Variants in CACNG4 observed in about 807,000 individuals in gnomAD.
The protein encoded by CACNG4 is voltage-dependent calcium channel gamma-4 subunit.
Under a neutral mutation model 22.9 loss-of-function variants are expected in CACNG4, and 8 were observed. That is an observed-to-expected ratio of 0.35 (90% CI 0.21 to 0.63). CACNG4 has a LOEUF of 0.63. Among genes scored for constraint, CACNG4 ranks in the 30% least tolerant of loss-of-function variants. The pLI is 0.72. For missense variants in CACNG4, 357 were observed against 455.4 expected (o/e 0.78, Z 1.97); for synonymous variants, 188 against 191.9 (o/e 0.98, Z 0.17).
At chr17:66,976,445 C>T (rs2035236925) in intron 1 of CACNG4, among the ~76,000 whole-genome samples, 1 of 149,870 alleles carries the variant, frequency 6.7e-6, no homozygotes, top group Non-Finnish European at 1.5e-5. Flanking sequence ...CTAACTTCCA[C>T]CCTCCTCCCT....
At position 67,032,710 on chromosome 17, in the gene CACNG4, C is replaced by CG. The variant is rs1379449099; in HGVS notation, c.*1707dup. 6.5e-6 allele frequency: 1 copy of CG among 153,168 alleles called. No homozygotes were observed. Among genetic ancestry groups the CG allele is most frequent in the Non-Finnish European group, 1.5e-5 (1 of 68,754 alleles). The allele number at this position is 153,168 out of a possible 1,614,324, so 9.5% of individuals were successfully genotyped here. On this transcript the variant is annotated 3_prime_UTR_variant, in exon 4 of 4. Transcript: ENST00000262138. ...CCTGTGTGCTGTGCTCCAGAGCCTT[C>CG]GCTCCCATCAGGGTTGGCATCATCT...
intron 1 of CACNG4, among the ~76,000 whole-genome samples, chr17:66,983,743 G>C (rs1649127109): frequency 6.6e-6 from 1 of 152,198 alleles, no homozygotes; most frequent in South Asian, 2.1e-4. Flanking sequence ...CAAAGCCCTG[G>C]AACCCATGTT....
At position 67,031,613 on chromosome 17, in the gene CACNG4, G is replaced by A. The variant is rs2035606855; in HGVS notation, c.*609G>A. 2.2e-6 allele frequency: 1 copy of A among 456,710 alleles called. No homozygotes were observed. The allele number at this position is 456,710 out of a possible 1,614,324, so 28.3% of individuals were successfully genotyped here. On this transcript the variant is annotated 3_prime_UTR_variant, in exon 4 of 4. Coordinates refer to ENST00000262138, the MANE Select transcript of CACNG4 (RefSeq NM_014405.4). The surrounding 1 kb of genome is among the most constrained non-coding windows in gnomAD (Gnocchi z 4.0). Reference sequence around the variant, plus strand: ...GCAGCCAACTGGTGCTTTGGCCTTTGCGCTGTCCCGGGGCCAGCTTCCCTC... The same window carrying A: ...GCAGCCAACTGGTGCTTTGGCCTTTACGCTGTCCCGGGGCCAGCTTCCCTC...
At chr17:66,966,476 C>T (rs3785601) in intron 1 of CACNG4, among the ~76,000 whole-genome samples, 10,695 of 152,196 alleles carry the variant, frequency 0.07, 582 homozygotes, top group East Asian at 0.25. Flanking sequence ...CAGAGTTCAG[C>T]CGCGGTTGTT....
At chr17:67,002,518 C>T (rs2035414107) in intron 1 of CACNG4, among the ~76,000 whole-genome samples, 1 of 152,234 alleles carries the variant, frequency 6.6e-6, no homozygotes, top group African/African-American at 2.4e-5. Flanking sequence ...TGTGTGCTCC[C>T]TCATCCTGGC....
chr17:67,016,435 A>G (rs1269615330), intron 1 of CACNG4, among the ~76,000 whole-genome samples: 3 of 152,056 alleles, frequency 2.0e-5, no homozygotes, highest in East Asian at 1.9e-4. Context: ...AAGGGGCCCA[A>G]TGGAGGAAAG....
At chr17:66,998,998 T>C (rs1174709428) in intron 1 of CACNG4, among the ~76,000 whole-genome samples, 1 of 152,158 alleles carries the variant, frequency 6.6e-6, no homozygotes, top group Non-Finnish European at 1.5e-5. Flanking sequence ...TCATGTAGTT[T>C]GAGAGGTGGT....
At chr17:66,999,085 C>T (rs2035391776) in intron 1 of CACNG4, among the ~76,000 whole-genome samples, 1 of 152,166 alleles carries the variant, frequency 6.6e-6, no homozygotes, top group Non-Finnish European at 1.5e-5. Flanking sequence ...ACTAGATGGG[C>T]AATCCTGGGC....
intron 1 of CACNG4, among the ~76,000 whole-genome samples, chr17:66,999,200 A>G (rs2035392461): frequency 6.6e-6 from 1 of 152,322 alleles, no homozygotes; most frequent in African/African-American, 2.4e-5. Flanking sequence ...TGAATGAGTT[A>G]GAATATGAAG....
chr17:66,994,974 G>A (rs929918224), intron 1 of CACNG4, among the ~76,000 whole-genome samples: 1 of 152,106 alleles, frequency 6.6e-6, no homozygotes, highest in Non-Finnish European at 1.5e-5. Context: ...GAACTGCTTT[G>A]CAAATTACCT....
chr17:67,024,844 C>T lies in CACNG4; in HGVS notation c.305-16C>T. 2.0e-6 allele frequency: 3 copies of T among 1,522,580 alleles called. No homozygotes were observed. The highest frequency in any genetic ancestry group is 2.6e-6 in the Non-Finnish European group (3 of 1,136,540). 94.3% of individuals were successfully genotyped at this position (1,522,580 alleles called of 1,614,324 possible). On this transcript the variant is annotated splice_polypyrimidine_tract_variant and intron_variant, in intron 2 of 3. Transcript: ENST00000262138. The stretch of plus-strand genomic sequence containing the variant: ...CTCACTGCCCTCTGCTTTGTGCCCC[C>T]CACCTCCCCGGCCAGGCATCGTGCG...
At position 67,006,250 on chromosome 17, in the gene CACNG4, C is replaced by T. The variant is rs116844810; in HGVS notation, c.221-11939C>T. Among the ~76,000 whole-genome samples the T allele has an allele frequency of 6.7e-3, 1,015 of 152,294 alleles. 6 individuals carry two copies. Among genetic ancestry groups the T allele is most frequent in the Non-Finnish European group, 0.01 (714 of 68,010 alleles). On this transcript the variant is annotated intron_variant, in intron 1 of 3. Transcript: ENST00000262138. ...GTGGGATCCAAAAGCCCTAACAGGCCAGATGATAGCAGCCAGGCTGGGGAC... is the reference window on the plus strand; with the variant it reads ...GTGGGATCCAAAAGCCCTAACAGGCTAGATGATAGCAGCCAGGCTGGGGAC...
intron 1 of CACNG4, among the ~76,000 whole-genome samples, chr17:66,981,978 G>C (rs887594783): frequency 1.3e-5 from 2 of 152,178 alleles, no homozygotes; most frequent in East Asian, 1.9e-4. Context: ...CTGTCACACA[G>C]GCTAGAGTGC....
intron 3 of CACNG4, among the ~76,000 whole-genome samples, chr17:67,026,895 C>T (rs1235450263): frequency 2.0e-5 from 3 of 151,820 alleles, no homozygotes; most frequent in African/African-American, 7.3e-5. Flanking sequence ...TTCTTCCCCC[C>T]ACCTCCTTTC....
intron 1 of CACNG4, among the ~76,000 whole-genome samples, chr17:67,006,515 G>A (rs1246415262): frequency 6.6e-6 from 1 of 152,090 alleles, no homozygotes; most frequent in Admixed American, 6.5e-5. Context: ...ATGCCTCTGG[G>A]CTTCGTCTCG....
At chr17:67,006,798 G>A (rs2035440684) in intron 1 of CACNG4, among the ~76,000 whole-genome samples, 1 of 152,142 alleles carries the variant, frequency 6.6e-6, no homozygotes, top group African/African-American at 2.4e-5. Flanking sequence ...GGATTGAGTG[G>A]GTGAACCTTG....
rs986989991 is a variant in CACNG4 at position 67,032,229 on chromosome 17, G to C, written c.*1225G>C. Reference sequence around the variant, plus strand: ...GAGGGGAGATCTCAGCACTTTGTCCGGAGCTGAGGAAGTGGTTTCTGTGTT... The same window carrying C: ...GAGGGGAGATCTCAGCACTTTGTCCCGAGCTGAGGAAGTGGTTTCTGTGTT... On this transcript the variant is annotated 3_prime_UTR_variant, in exon 4 of 4. Coordinates refer to ENST00000262138, the MANE Select transcript of CACNG4 (RefSeq NM_014405.4). The C allele has an allele frequency of 2.9e-6, 1 of 344,654 alleles. No homozygotes were observed. The highest frequency in any genetic ancestry group is 7.7e-5 in the East Asian group (1 of 13,054). The allele number at this position is 344,654 out of a possible 1,614,324, so 21.3% of individuals were successfully genotyped here.
At chr17:67,018,037 C>T in intron 1 of CACNG4, 152 bp from the exon 2 acceptor site, 1 of 635,352 alleles carries the variant, frequency 1.6e-6, no homozygotes, top group South Asian at 1.9e-5. Flanking sequence ...TCCCGTGCCC[C>T]CACCAGACTG....
At chr17:66,981,936 T>C (rs899537294) in intron 1 of CACNG4, among the ~76,000 whole-genome samples, 3 of 151,982 alleles carry the variant, frequency 2.0e-5, no homozygotes, top group African/African-American at 7.2e-5. Context: ...CTAACTCTTA[T>C]AAAAAAAAAT....
Sources: gnomAD v4.1 joint callset for allele counts (sites outside exome capture counted in the v4.1 genomes callset) on GRCh38, gnomAD v4.1.1 for gene constraint, Gnocchi (gnomAD v3.1) non-coding constraint, MANE v1.5 for transcripts, NCBI Gene and HGNC (gene_info 2026-07-23, HGNC 2026-07-21) for gene names.